Variants in ARHGAP24 observed in about 807,000 individuals in gnomAD.
ARHGAP24 encodes the protein rho GTPase-activating protein 24.
Under a neutral mutation model 76.4 loss-of-function variants are expected in ARHGAP24, and 50 were observed. That is an observed-to-expected ratio of 0.65 (90% CI 0.52 to 0.83). The LOEUF (loss-of-function observed/expected upper bound fraction) is 0.83. Among genes scored for constraint, ARHGAP24 ranks in the 40% least tolerant of loss-of-function variants. The pLI is 0.00. For synonymous variants in ARHGAP24, 345 were observed against 323.3 expected, an observed-to-expected ratio of 1.07 and a Z score of -0.72; for missense variants, 930 against 914.2, an observed-to-expected ratio of 1.02 and a Z score of -0.22.
intron 1 of ARHGAP24, among the ~76,000 whole-genome samples, chr4:85,523,286 G>T (rs1025143688): frequency 7.2e-5 from 11 of 152,092 alleles, no homozygotes; most frequent in African/African-American, 2.7e-4. Flanking sequence ...TTCTTTTGAT[G>T]AGAACTGAAG....
intron 8 of ARHGAP24, among the ~76,000 whole-genome samples, chr4:85,987,994 T>A (rs1049504986): frequency 2.6e-5 from 4 of 151,920 alleles, no homozygotes; most frequent in Non-Finnish European, 5.9e-5. Flanking sequence ...TTAGAAATTA[T>A]ATAACCAAAA....
chr4:85,778,668 G>GT (rs201125741), intron 3 of ARHGAP24: 47 of 983,540 alleles, frequency 4.8e-5, no homozygotes, highest in East Asian at 4.5e-4. Flanking sequence ...TTCCTTGTAG[G>GT]TTTTTTTTCC....
At chr4:85,564,399 G>A (rs572724616) in intron 1 of ARHGAP24, among the ~76,000 whole-genome samples, 2 of 144,842 alleles carry the variant, frequency 1.4e-5, no homozygotes, top group Admixed American at 6.7e-5. Context: ...GTTGTGGGGT[G>A]GGGGGAGCGG....
At chr4:85,732,183 C>T (rs1176758917) in intron 3 of ARHGAP24, among the ~76,000 whole-genome samples, 1 of 152,136 alleles carries the variant, frequency 6.6e-6, no homozygotes, top group Non-Finnish European at 1.5e-5. Flanking sequence ...AGAGTTTGTC[C>T]AGGCAGGTCT....
chr4:85,530,489 T>C (rs1206692634), intron 1 of ARHGAP24, among the ~76,000 whole-genome samples: 1 of 152,056 alleles, frequency 6.6e-6, no homozygotes, highest in East Asian at 1.9e-4. Context: ...CTCTCTACTG[T>C]ATGTTTTTAA....
intron 2 of ARHGAP24, among the ~76,000 whole-genome samples, chr4:85,619,619 A>G (rs1359151401): frequency 4.6e-5 from 7 of 152,028 alleles, no homozygotes; most frequent in Admixed American, 1.3e-4. Flanking sequence ...TATTCGTGTC[A>G]TCTTCAACTT....
chr4:85,695,811 A>G (rs977314655), intron 2 of ARHGAP24, among the ~76,000 whole-genome samples: 3 of 152,222 alleles, frequency 2.0e-5, no homozygotes, highest in African/African-American at 7.2e-5. Context: ...AGTGTAATAT[A>G]CTATGCAGTG....
At chr4:85,978,084 A>G (rs75424796) in intron 8 of ARHGAP24, among the ~76,000 whole-genome samples, 6,919 of 152,292 alleles carry the variant, frequency 0.045, 535 homozygotes, top group African/African-American at 0.16. Flanking sequence ...GACTTAGGGA[A>G]AAATGGTCTT....
At chr4:85,889,768 GCTTCCTGGTACTTCTATCATTTA>G (rs937439451) in intron 3 of ARHGAP24, among the ~76,000 whole-genome samples, 1 of 152,090 alleles carries the variant, frequency 6.6e-6, no homozygotes, top group Non-Finnish European at 1.5e-5. Context: ...ATAATGCCCT[GCTTCCTGGTACTTCTATCATTTA>G]CAGCTGATAG....
rs1740568124 is a variant in ARHGAP24, at chr4:85,995,024, T to C, written c.1370T>C (p.Leu457Pro). The part of the protein sequence containing the change: ...EKTQTTPNGS[L>P]QARRSSSLKV... ...ACCCAAACCACCCCCAATGGGAGCC[T>C]ACAGGCCAGAAGGAGCTCTTCACTG... Residue 457 changes from leucine to proline, a missense_variant, in exon 9 of 10, where the codon CTA becomes CCA. Coordinates refer to ENST00000395184, the MANE Select transcript of ARHGAP24 (RefSeq NM_001025616.3). The C allele has an allele frequency of 6.2e-7, 1 of 1,613,952 alleles. No individual in the cohort carries two copies. Among genetic ancestry groups the C allele is most frequent in the Non-Finnish European group, 8.5e-7 (1 of 1,180,000 alleles).
intron 1 of ARHGAP24, among the ~76,000 whole-genome samples, chr4:85,490,827 CA>C (rs1225235714): frequency 1.3e-5 from 2 of 152,078 alleles, no homozygotes; most frequent in African/African-American, 2.4e-5. Context: ...CTTGTATGAC[CA>C]GACATTATAA....
intron 3 of ARHGAP24, among the ~76,000 whole-genome samples, chr4:85,854,910 T>C (rs1020106657): frequency 1.3e-5 from 2 of 152,234 alleles, no homozygotes; most frequent in Non-Finnish European, 2.9e-5. Context: ...AGTTCTGAAG[T>C]TGTCCCAAGA....
Position 85,867,898 on chromosome 4 carries a change from C to CATATATATATATATATATATATAT in ARHGAP24, c.269-55739_269-55738insTATATATATATATATATATATATA, listed in dbSNP as rs113874290. 3.5e-3 allele frequency among the ~76,000 whole-genome samples: 371 copies of CATATATATATATATATATATATAT among 106,614 alleles called. 2 individuals are homozygous for CATATATATATATATATATATATAT. Among genetic ancestry groups the CATATATATATATATATATATATAT allele is most frequent in the Non-Finnish European group, 5.8e-3 (281 of 48,852 alleles). The allele number at this position is 106,614 out of a possible 152,430, so 69.9% of individuals were successfully genotyped here. Reference sequence around the variant, plus strand: ...TAAACATATATAATGTGTGTGTGTACATATATATATACATATATGTACACA... The same window carrying CATATATATATATATATATATATAT: ...TAAACATATATAATGTGTGTGTGTACATATATATATATATATATATATATATATATATATACATATATGTACACA... On this transcript the variant is annotated intron_variant, in intron 3 of 9. Transcript: ENST00000395184.
At chr4:85,587,979 G>A (rs556361552) in intron 2 of ARHGAP24, among the ~76,000 whole-genome samples, 1 of 152,224 alleles carries the variant, frequency 6.6e-6, no homozygotes, top group East Asian at 1.9e-4. Flanking sequence ...TAGACAGAAA[G>A]GAAGGGAAGG....
In ARHGAP24 at chr4:85,655,766, C is replaced by CATATATATATATATATAT. The variant is rs370571889; in HGVS notation, c.181-66109_181-66092dup. On this transcript the variant is annotated intron_variant, in intron 2 of 9. Coordinates refer to ENST00000395184, the MANE Select transcript of ARHGAP24 (RefSeq NM_001025616.3). ...CAGCCTGGGTGACAGAGTGAGACTC[C>CATATATATATATATATAT]ATATATATATATATATATATATATA... Among the ~76,000 whole-genome samples the CATATATATATATATATAT allele has an allele frequency of 1.0e-4, 7 of 69,056 alleles. 1 individual carries two copies. Among genetic ancestry groups the CATATATATATATATATAT allele is most frequent in the African/African-American group, 7.0e-4 (7 of 9,988 alleles). The allele number at this position is 69,056 out of a possible 152,430, so 45.3% of individuals were successfully genotyped here.
chr4:85,794,137 ATATCTT>A (rs1728245230), intron 3 of ARHGAP24, among the ~76,000 whole-genome samples: 1 of 152,192 alleles, frequency 6.6e-6, no homozygotes, highest in South Asian at 2.1e-4. Context: ...TCTTTGTACT[ATATCTT>A]TATTTTTAAC....
intron 2 of ARHGAP24, among the ~76,000 whole-genome samples, chr4:85,678,516 A>C (rs1180601540): frequency 6.6e-6 from 1 of 152,228 alleles, no homozygotes; most frequent in African/African-American, 2.4e-5. Context: ...ATAATGAAAG[A>C]CACAAGCAAA....
chr4:85,754,651 T>A (rs1245184536), intron 3 of ARHGAP24, among the ~76,000 whole-genome samples: 2 of 152,238 alleles, frequency 1.3e-5, no homozygotes, highest in Non-Finnish European at 2.9e-5. Flanking sequence ...AGACACAGAA[T>A]TTTAAATTCC....
intron 3 of ARHGAP24, among the ~76,000 whole-genome samples, chr4:85,735,237 A>C (rs1725562077): frequency 6.6e-6 from 1 of 152,330 alleles, no homozygotes; most frequent in African/African-American, 2.4e-5. Flanking sequence ...TGAACATACG[A>C]TCATGCTATT....
Sources: allele counts gnomAD v4.1 joint callset (sites outside exome capture counted in the v4.1 genomes callset), GRCh38; gene constraint gnomAD v4.1.1; transcripts MANE v1.5; gene names NCBI Gene and HGNC (gene_info 2026-07-23, HGNC 2026-07-21).